Variants in KSR2 observed in about 807,000 individuals in gnomAD.
KSR2 encodes the protein kinase suppressor of ras 2.
A neutral mutation model predicts 107.8 loss-of-function variants in KSR2; 25 were observed. The observed-to-expected ratio is 0.23, with a 90% CI of 0.17 to 0.32. The LOEUF (loss-of-function observed/expected upper bound fraction) is 0.32. Ranked by LOEUF, KSR2 falls within the 10% of genes least tolerant of loss-of-function variation. The probability of loss-of-function intolerance (pLI) is 1.00; values close to 1 mark genes in which losing one functional copy is unlikely to be tolerated. For synonymous variants in KSR2, 480 were observed against 507.0 expected, an observed-to-expected ratio of 0.95 and a Z score of 0.71; for missense variants, 887 against 1,268.9, an observed-to-expected ratio of 0.70 and a Z score of 4.57.
intron 3 of KSR2, among the ~76,000 whole-genome samples, chr12:117,849,284 AATTC>A (rs1892832102): frequency 6.6e-6 from 1 of 152,208 alleles, no homozygotes; most frequent in Non-Finnish European, 1.5e-5. Flanking sequence ...TTAAGACAAT[AATTC>A]ATTGTCTGTG....
Position 117,525,073 on chromosome 12 carries a change from C to T in KSR2, c.1998G>A (p.Leu666=), listed in dbSNP as rs201087007. Residue 666 remains leucine (L), a synonymous_variant, in exon 14 of 20, where the codon CTG becomes CTA. Coordinates refer to ENST00000339824, the MANE Select transcript of KSR2 (RefSeq NM_173598.6). ...LQEWDIPFEQ[L]EIGELIGKGR... ...CCTTTCCAATGAGCTCGCCGATCTC[C>T]AGCTGCTCAAAGGGGATGTCCCACT... 291 of 1,614,020 alleles carry T rather than the reference C, an allele frequency of 1.8e-4. No individual in the cohort carries two copies. The highest frequency in any genetic ancestry group is 1.2e-3 in the Middle Eastern group (7 of 6,062).
chr12:117,902,319 G>A (rs532764784), intron 1 of KSR2, among the ~76,000 whole-genome samples: 9 of 151,924 alleles, frequency 5.9e-5, no homozygotes, highest in East Asian at 3.9e-4. Context: ...TTAGCTGGGC[G>A]TGGTGGCGCG....
chr12:117,962,081 G>C (rs897154585), intron 1 of KSR2, among the ~76,000 whole-genome samples: 5 of 151,000 alleles, frequency 3.3e-5, no homozygotes, highest in South Asian at 4.2e-4. Flanking sequence ...GAAGTTCAAG[G>C]CTGCAGTGAG....
chr12:117,640,720 G>A (rs1883316596), intron 5 of KSR2, among the ~76,000 whole-genome samples: 2 of 152,120 alleles, frequency 1.3e-5, no homozygotes, highest in South Asian at 4.1e-4. Context: ...TGGACAGCAC[G>A]TCCAGATACC....
intron 15 of KSR2, 33 bp from the exon 16 acceptor site, chr12:117,484,582 G>T (rs759707949): frequency 1.9e-6 from 3 of 1,610,860 alleles, no homozygotes; most frequent in Non-Finnish European, 2.5e-6. Context: ...AGTTGCCAGA[G>T]AAAAACCTAA....
intron 14 of KSR2, among the ~76,000 whole-genome samples, chr12:117,499,420 GA>G (rs1210802831): frequency 2.0e-5 from 3 of 152,182 alleles, no homozygotes; most frequent in Admixed American, 2.0e-4. Context: ...GAAGAAATGA[GA>G]AAAGCACCTC....
rs115645802 is a variant in KSR2, at chr12:117,830,390, T to C, written c.472+25038A>G. ...AGGGGACAAGCTCTGAAAAACAAAC[T>C]ATTAAGCGCTACGCTCACTACCTGG... On this transcript the variant is annotated intron_variant, in intron 3 of 19. Coordinates refer to ENST00000339824, the MANE Select transcript of KSR2 (RefSeq NM_173598.6). Among the ~76,000 whole-genome samples, 1,287 of 152,126 alleles carry C rather than the reference T, an allele frequency of 8.5e-3. 22 individuals are homozygous for C. The highest frequency in any genetic ancestry group is 0.029 in the African/African-American group (1,205 of 41,502).
intron 1 of KSR2, among the ~76,000 whole-genome samples, chr12:117,911,269 T>C (rs1011630555): frequency 1.3e-5 from 2 of 151,934 alleles, no homozygotes; most frequent in Non-Finnish European, 2.9e-5. Flanking sequence ...CTTTGGCCAA[T>C]GGAATATCAG....
chr12:117,862,448 T>G (rs1450067379), intron 1 of KSR2, among the ~76,000 whole-genome samples: 1 of 152,100 alleles, frequency 6.6e-6, no homozygotes. Flanking sequence ...GGAGGACTGC[T>G]TGAGCCCAGG....
chr12:117,544,931 T>C (rs1456764912), intron 9 of KSR2, among the ~76,000 whole-genome samples: 4 of 152,176 alleles, frequency 2.6e-5, no homozygotes, highest in Non-Finnish European at 5.9e-5. Context: ...AAACATTCAG[T>C]TTTTCATCAC....
chr12:117,802,638 TAGC>T (rs1890873083), intron 3 of KSR2, among the ~76,000 whole-genome samples: 1 of 152,200 alleles, frequency 6.6e-6, no homozygotes. Context: ...AATAATCTCT[TAGC>T]AGGCCCCCTG....
intron 7 of KSR2, among the ~76,000 whole-genome samples, chr12:117,563,633 T>G (rs1878267762): frequency 6.6e-6 from 1 of 152,212 alleles, no homozygotes; most frequent in African/African-American, 2.4e-5. Context: ...ACCATAATTA[T>G]TGCTAGTTTG....
chr12:117,840,692 G>A (rs955164062), intron 3 of KSR2, among the ~76,000 whole-genome samples: 1 of 152,054 alleles, frequency 6.6e-6, no homozygotes, highest in African/African-American at 2.4e-5. Flanking sequence ...CACCACGCCT[G>A]TCCCCATGCA....
At chr12:117,616,177 A>G (rs11068574) in intron 5 of KSR2, among the ~76,000 whole-genome samples, 64,049 of 148,284 alleles carry the variant, frequency 0.43, 15,170 homozygotes, top group South Asian at 0.69. Flanking sequence ...AAAAAAAAAC[A>G]GATTTTAAAA....
rs1051706413 is a variant in KSR2 at position 117,464,488 on chromosome 12, T to A, written c.*2711A>T. The A allele has an allele frequency of 6.6e-6, 1 of 152,166 alleles. No individual in the cohort carries two copies. Among genetic ancestry groups the A allele is most frequent in the Non-Finnish European group, 1.5e-5 (1 of 68,034 alleles). The allele number at this position is 152,166 out of a possible 1,614,324, so 9.4% of individuals were successfully genotyped here. ...AAAATATACAGCCTCTTTCCTCTTTTTTTTTCCTCCCTGCGTAAGATGAAT... is the reference window on the plus strand; with the variant it reads ...AAAATATACAGCCTCTTTCCTCTTTATTTTTCCTCCCTGCGTAAGATGAAT... On this transcript the variant is annotated 3_prime_UTR_variant, in exon 20 of 20. Transcript: ENST00000339824.
At chr12:117,791,152 G>A (rs1223202896) in intron 3 of KSR2, among the ~76,000 whole-genome samples, 1 of 151,952 alleles carries the variant, frequency 6.6e-6, no homozygotes, top group Non-Finnish European at 1.5e-5. Context: ...CTGCCACACT[G>A]ATCTTCCTTC....
chr12:117,580,323 T>TGG (rs1271035866), intron 6 of KSR2, among the ~76,000 whole-genome samples: 1 of 152,258 alleles, frequency 6.6e-6, no homozygotes, highest in Non-Finnish European at 1.5e-5. Flanking sequence ...AGCCCCTTTC[T>TGG]TTCCCTTCAG....
chr12:117,740,290 T>C (rs1343428287), intron 4 of KSR2, among the ~76,000 whole-genome samples: 3 of 145,626 alleles, frequency 2.1e-5, no homozygotes, highest in East Asian at 2.0e-4. Flanking sequence ...TAGTATTCCA[T>C]CATACATATA....
In KSR2 at chr12:117,842,283, C is replaced by T. The variant is rs1179434457; in HGVS notation, c.472+13145G>A. Among the ~76,000 whole-genome samples, 2 of 152,128 alleles carry T rather than the reference C, an allele frequency of 1.3e-5. No individual in the cohort carries two copies. The highest frequency in any genetic ancestry group is 3.9e-4 in the East Asian group (2 of 5,194). ...GAGAGTGGCCAGGATGGAAGTGGGA[C>T]TCTGAGAAGCTGGCAGTTGGGCTGA... On this transcript the variant is annotated intron_variant, in intron 3 of 19. Transcript: ENST00000339824. This position sits in a 1 kb window ranked among gnomAD's most constrained non-coding sequence, Gnocchi z 4.2.
Sources: allele counts gnomAD v4.1 joint callset (sites outside exome capture counted in the v4.1 genomes callset), GRCh38; gene constraint gnomAD v4.1.1; non-coding constraint Gnocchi (gnomAD v3.1); transcripts MANE v1.5; gene names NCBI Gene and HGNC (gene_info 2026-07-23, HGNC 2026-07-21).